GLG1: variants seen among roughly 807,000 people sequenced by gnomAD.
The protein encoded by GLG1 is golgi glycoprotein 1, also known as Golgi apparatus protein 1.
A neutral mutation model predicts 160.5 loss-of-function variants in GLG1; 38 were observed. The ratio of observed to expected loss-of-function variants is 0.24; its 90% confidence interval spans 0.18 to 0.31. GLG1 has a LOEUF of 0.31. GLG1 is among the 10% of genes least tolerant of loss of function. The pLI is 1.00. For synonymous variants in GLG1, 644 were observed against 543.4 expected (o/e 1.19, Z -2.57); for missense variants, 1,373 against 1,505.2 (o/e 0.91, Z 1.45).
intron 11 of GLG1, among the ~76,000 whole-genome samples, chr16:74,477,748 C>A (rs910706846): frequency 6.6e-6 from 1 of 151,810 alleles, no homozygotes; most frequent in African/African-American, 2.4e-5. Context: ...TCGAGGCGGG[C>A]GGATCACCTG....
At chr16:74,545,770 T>A (rs935280337) in intron 1 of GLG1, among the ~76,000 whole-genome samples, 1 of 152,218 alleles carries the variant, frequency 6.6e-6, no homozygotes, top group African/African-American at 2.4e-5. Context: ...AAGAGGGTAT[T>A]GGTTAACTAA....
At chr16:74,502,977 C>T (rs148901619) in intron 4 of GLG1, among the ~76,000 whole-genome samples, 2,807 of 151,598 alleles carry the variant, frequency 0.019, 34 homozygotes, top group Non-Finnish European at 0.027. Context: ...GAGGCCGAGG[C>T]GGGCAGATCA....
chr16:74,456,643 C>G lies in GLG1; in HGVS notation c.3372+6G>C, dbSNP rs745550043. 8.3e-6 allele frequency: 13 copies of G among 1,564,706 alleles called. No homozygotes were observed. Among genetic ancestry groups the G allele is most frequent in the Non-Finnish European group, 1.1e-5 (13 of 1,141,548 alleles). On this transcript the variant is annotated splice_donor_region_variant and intron_variant, in intron 25 of 25. Transcript: ENST00000422840. ...TTTTAAAAAAGGAGATTCTCTTGGT[C>G]ATTACCTTTGCTGCGTAACTCCACA...
intron 1 of GLG1, among the ~76,000 whole-genome samples, chr16:74,558,763 G>A (rs1567522982): frequency 6.6e-6 from 1 of 152,220 alleles, no homozygotes; most frequent in Non-Finnish European, 1.5e-5. Context: ...AGAATAGTCA[G>A]AAGAAAAGAG....
intron 2 of GLG1, among the ~76,000 whole-genome samples, chr16:74,518,124 C>T (rs1407966437): frequency 6.6e-6 from 1 of 152,096 alleles, no homozygotes; most frequent in Non-Finnish European, 1.5e-5. Flanking sequence ...GCCTTACTAC[C>T]CAAAGTAATT....
At position 74,508,825 on chromosome 16, in the gene GLG1, C is replaced by A. The variant is rs916767706; in HGVS notation, c.558+14G>T. ...TAAGCCATTAGTTGTCTACAAAATTCTTTGACAACTTACCTCTGTTATAGT... is the reference window on the plus strand; with the variant it reads ...TAAGCCATTAGTTGTCTACAAAATTATTTGACAACTTACCTCTGTTATAGT... On this transcript the variant is annotated intron_variant, in intron 3 of 25. Coordinates refer to ENST00000422840, the MANE Select transcript of GLG1 (RefSeq NM_001145667.2). 7 of 1,182,584 alleles carry A rather than the reference C, an allele frequency of 5.9e-6. No individual in the cohort carries two copies. Among genetic ancestry groups the A allele is most frequent in the South Asian group, 3.7e-5 (3 of 82,190 alleles). The allele number at this position is 1,182,584 out of a possible 1,614,324, so 73.3% of individuals were successfully genotyped here.
chr16:74,588,813 C>T (rs946873955), intron 1 of GLG1, among the ~76,000 whole-genome samples: 2 of 152,050 alleles, frequency 1.3e-5, no homozygotes, highest in Admixed American at 1.3e-4. Context: ...ATATCTACCA[C>T]ACATGGTTAT....
At chr16:74,600,853 T>C (rs1958425701) in intron 1 of GLG1, among the ~76,000 whole-genome samples, 1 of 151,606 alleles carries the variant, frequency 6.6e-6, no homozygotes, top group Non-Finnish European at 1.5e-5. Context: ...TGCCCTAAAA[T>C]AATTTACTAT....
chr16:74,551,306 AT>A (rs2018191795), intron 1 of GLG1, among the ~76,000 whole-genome samples: 1 of 151,706 alleles, frequency 6.6e-6, no homozygotes, highest in Non-Finnish European at 1.5e-5. Flanking sequence ...TTATTTATTT[AT>A]TTTTTGAGAC....
intron 1 of GLG1, among the ~76,000 whole-genome samples, chr16:74,543,749 G>A (rs2017968385): frequency 6.6e-6 from 1 of 151,982 alleles, no homozygotes; most frequent in Non-Finnish European, 1.5e-5. Flanking sequence ...GCCTTTTAAA[G>A]TGCTAATTTT....
At chr16:74,494,427 G>C (rs1195607537) in intron 6 of GLG1, among the ~76,000 whole-genome samples, 10 of 97,332 alleles carry the variant, frequency 1.0e-4, no homozygotes, top group Non-Finnish European at 9.5e-5. Context: ...TTTTTTTTGA[G>C]ACAGAGTCTC....
intron 3 of GLG1, among the ~76,000 whole-genome samples, chr16:74,506,607 C>CAAAAAAAAAAAG: frequency 7.9e-6 from 1 of 126,776 alleles, no homozygotes; most frequent in Admixed American, 9.3e-5. Flanking sequence ...AAAAAAAACT[C>CAAAAAAAAAAAG]AAGAGAAACC....
chr16:74,532,336 G>A (rs1158641806), intron 1 of GLG1, among the ~76,000 whole-genome samples, 183 bp from the exon 2 acceptor site: 1 of 151,770 alleles, frequency 6.6e-6, no homozygotes, highest in Non-Finnish European at 1.5e-5. Context: ...TTAGGCTGTT[G>A]GGGAGAAATG....
chr16:74,605,338 C>T (rs1958540978), intron 1 of GLG1, among the ~76,000 whole-genome samples: 1 of 152,104 alleles, frequency 6.6e-6, no homozygotes, highest in Admixed American at 6.6e-5. Flanking sequence ...TTGCCACTTT[C>T]CCTAATAATG....
chr16:74,533,228 G>A (rs1342744265), intron 1 of GLG1, among the ~76,000 whole-genome samples: 1 of 152,182 alleles, frequency 6.6e-6, no homozygotes, highest in Non-Finnish European at 1.5e-5. Context: ...GGCAGAGGCA[G>A]GAGAATCGCA....
intron 1 of GLG1, among the ~76,000 whole-genome samples, chr16:74,586,740 C>A (rs1958062121): frequency 6.6e-6 from 1 of 151,816 alleles, no homozygotes. Flanking sequence ...CTATTGTTGC[C>A]CAGGCTAGAG....
intron 1 of GLG1, among the ~76,000 whole-genome samples, chr16:74,545,335 T>C (rs1390058000): frequency 6.6e-6 from 1 of 152,094 alleles, no homozygotes; most frequent in Non-Finnish European, 1.5e-5. Flanking sequence ...TGCATGCCAC[T>C]ACACCTGGTT....
intron 4 of GLG1, among the ~76,000 whole-genome samples, chr16:74,498,448 G>GTCTATATATATATATATA (rs1491436581): frequency 4.2e-5 from 1 of 24,038 alleles, no homozygotes; most frequent in Non-Finnish European, 7.7e-5. Flanking sequence ...AAAAAAAAAA[G>GTCTATATATATATATATA]TATATATATA....
chr16:74,517,915 CAGAG>C (rs1189431435), intron 2 of GLG1, among the ~76,000 whole-genome samples: 2 of 152,118 alleles, frequency 1.3e-5, no homozygotes, highest in South Asian at 2.1e-4. Flanking sequence ...AACAGACAAA[CAGAG>C]AGCCCAATCA....
Sources: allele counts gnomAD v4.1 joint callset (sites outside exome capture counted in the v4.1 genomes callset), GRCh38; gene constraint gnomAD v4.1.1; transcripts MANE v1.5; gene names NCBI Gene and HGNC (gene_info 2026-07-23, HGNC 2026-07-21).